Variants in ADGRA1 observed in about 807,000 individuals in gnomAD.
ADGRA1 encodes the protein adhesion G protein-coupled receptor A1.
In ADGRA1, 12 loss-of-function variants were observed where a neutral mutation model predicts 21.3. The ratio of observed to expected loss-of-function variants is 0.56; its 90% CI spans 0.36 to 0.91. The LOEUF is 0.91. ADGRA1 is among the 40% of genes least tolerant of loss of function. The pLI is 0.01. For synonymous variants in ADGRA1, 385 were observed against 368.8 expected (o/e 1.04, Z -0.50); for missense variants, 790 against 805.6 (o/e 0.98, Z 0.23).
At chr10:133,125,564 C>T (rs1369561570) in intron 5 of ADGRA1, among the ~76,000 whole-genome samples, 3 of 152,060 alleles carry the variant, frequency 2.0e-5, no homozygotes, top group Admixed American at 6.5e-5. Context: ...GCTGGGACTA[C>T]AGGCGCCCGC....
chr10:133,095,895 T>C (rs1851680270), intron 2 of ADGRA1: 1 of 1,289,096 alleles, frequency 7.8e-7, no homozygotes, highest in Non-Finnish European at 1.1e-6. Flanking sequence ...CCTGCCCCGA[T>C]GCCCAGGGCA....
chr10:133,120,451 G>A (rs1415562925), intron 5 of ADGRA1, among the ~76,000 whole-genome samples: 11 of 152,194 alleles, frequency 7.2e-5, no homozygotes, highest in Non-Finnish European at 1.2e-4. Context: ...CTCCCTCATC[G>A]CTATCTTGGC....
chr10:133,112,474 C>T lies in ADGRA1; in HGVS notation c.401+9632C>T, dbSNP rs578104238. Among the ~76,000 whole-genome samples the T allele has an allele frequency of 6.1e-3, 880 of 143,512 alleles. 13 individuals carry two copies. Among genetic ancestry groups the T allele is most frequent in the African/African-American group, 7.5e-3 (288 of 38,150 alleles). 94.1% of individuals were successfully genotyped at this position (143,512 alleles called of 152,430 possible). ...GGCCACGTCAGTTATTTGGGGTCTG[C>T]GGGCCGCGTCGGTTATTTGGGGTCT... On this transcript the variant is annotated intron_variant, in intron 5 of 6. Transcript: ENST00000392607.
At chr10:133,124,259 C>T (rs761776) in intron 5 of ADGRA1, among the ~76,000 whole-genome samples, 27,574 of 151,318 alleles carry the variant, frequency 0.18, 2,809 homozygotes, top group East Asian at 0.34. Context: ...GCACCCTCCC[C>T]GGCTCTGCAC....
chr10:133,111,618 A>C (rs111836518), intron 5 of ADGRA1, among the ~76,000 whole-genome samples: 12 of 3,808 alleles, frequency 3.2e-3, no homozygotes, highest in Admixed American at 0.025. Context: ...TCCTAATCCC[A>C]CCAGACAACC....
At chr10:133,102,294 C>T (rs1851809990) in intron 4 of ADGRA1, 1 of 502,916 alleles carries the variant, frequency 2.0e-6, no homozygotes, top group Admixed American at 2.0e-5. Context: ...TGGCGTGACC[C>T]CACTGAGGAC....
rs1591162619 is a variant in ADGRA1 at position 133,088,691 on chromosome 10, C to T, written c.-202-17C>T. 8.2e-7 allele frequency: 1 copy of T among 1,224,122 alleles called. No homozygotes were observed. The highest frequency in any genetic ancestry group is 1.0e-6 in the Non-Finnish European group (1 of 982,892). The allele number at this position is 1,224,122 out of a possible 1,614,324, so 75.8% of individuals were successfully genotyped here. A position where few individuals can be genotyped will look rare whatever the true frequency, so the allele number is the denominator to read the frequency against. ...GGGACCCTCCGCCCGCCCCGCTGAC[C>T]GCCGCTGTCTTCACAGATGGGAGCA... On this transcript the variant is annotated splice_polypyrimidine_tract_variant and intron_variant, in intron 1 of 6. Transcript: ENST00000392607.
At chr10:133,117,345 T>G (rs1852178584) in intron 5 of ADGRA1, among the ~76,000 whole-genome samples, 1 of 152,000 alleles carries the variant, frequency 6.6e-6, no homozygotes. Flanking sequence ...CTGGCCTGAG[T>G]GAGTGCCCGG....
intron 5 of ADGRA1, among the ~76,000 whole-genome samples, chr10:133,119,066 GCACA>G (rs578078229): frequency 1.3e-4 from 19 of 151,838 alleles, no homozygotes; most frequent in South Asian, 6.3e-4. Flanking sequence ...ATTGCACACT[GCACA>G]CACACACGCA....
At chr10:133,115,563 T>C (rs1245182264) in intron 5 of ADGRA1, among the ~76,000 whole-genome samples, 1 of 152,136 alleles carries the variant, frequency 6.6e-6, no homozygotes, top group Non-Finnish European at 1.5e-5. Context: ...GGGCGCGCAG[T>C]GCTAGCCAGC....
intron 4 of ADGRA1, among the ~76,000 whole-genome samples, chr10:133,100,104 C>T (rs971028208): frequency 2.0e-5 from 3 of 152,220 alleles, no homozygotes; most frequent in Non-Finnish European, 4.4e-5. Context: ...GCGTCCGGCA[C>T]GCAGAGGAGA....
At position 133,129,939 on chromosome 10, in the gene ADGRA1, G is replaced by C; in HGVS notation, c.*428G>C. The C allele has an allele frequency of 5.7e-6, 1 of 175,300 alleles. No homozygotes were observed. Among genetic ancestry groups the C allele is most frequent in the Admixed American group, 5.8e-5 (1 of 17,248 alleles). The allele number at this position is 175,300 out of a possible 1,614,324, so 10.9% of individuals were successfully genotyped here. Reference sequence around the variant, plus strand: ...TGCCCACGGAGTCCTGGCTTCCCCTGGTGTGGCCGGGCAGGGCCGAGATCG... The same window carrying C: ...TGCCCACGGAGTCCTGGCTTCCCCTCGTGTGGCCGGGCAGGGCCGAGATCG... On this transcript the variant is annotated 3_prime_UTR_variant, in exon 7 of 7. Transcript: ENST00000392607.
At chr10:133,124,498 G>A (rs1456433917) in intron 5 of ADGRA1, among the ~76,000 whole-genome samples, 1 of 152,356 alleles carries the variant, frequency 6.6e-6, no homozygotes, top group Non-Finnish European at 1.5e-5. Context: ...GTCCCAGCGA[G>A]TGGCCCTGGC....
intron 5 of ADGRA1, among the ~76,000 whole-genome samples, chr10:133,112,381 ATTTGGGGTC>A (rs1564850036): frequency 3.6e-5 from 5 of 139,140 alleles, no homozygotes; most frequent in Admixed American, 1.4e-4. Context: ...CGTGTCGGTT[ATTTGGGGTC>A]TACGGGCCGC....
At chr10:133,100,458 C>T (rs914182101) in intron 4 of ADGRA1, among the ~76,000 whole-genome samples, 4 of 152,316 alleles carry the variant, frequency 2.6e-5, no homozygotes, top group Admixed American at 6.5e-5. Flanking sequence ...AAACCCCGCC[C>T]GCGCCTTCGG....
At chr10:133,101,353 C>T (rs2135875882) in intron 4 of ADGRA1, among the ~76,000 whole-genome samples, 1 of 152,336 alleles carries the variant, frequency 6.6e-6, no homozygotes, top group Admixed American at 6.5e-5. Flanking sequence ...GCCGTGAGCC[C>T]CATTCGCATG....
intron 5 of ADGRA1, among the ~76,000 whole-genome samples, chr10:133,117,108 C>T (rs1852173680): frequency 6.6e-6 from 1 of 152,106 alleles, no homozygotes. Flanking sequence ...AAGGTATGAG[C>T]CAGCTGGTCG....
intron 5 of ADGRA1, among the ~76,000 whole-genome samples, chr10:133,108,724 C>T (rs556719928): frequency 3.2e-4 from 49 of 152,260 alleles, no homozygotes; most frequent in African/African-American, 9.4e-4. Context: ...ACACATTTGC[C>T]GCAGCCTCCT....
intron 5 of ADGRA1, among the ~76,000 whole-genome samples, chr10:133,118,056 A>G (rs1363395723): frequency 3.3e-5 from 5 of 152,174 alleles, no homozygotes; most frequent in Admixed American, 1.3e-4. Context: ...GGGGAGCTGG[A>G]CGTGTCCCCA....
Sources: gnomAD v4.1 joint callset for allele counts (sites outside exome capture counted in the v4.1 genomes callset) on GRCh38, gnomAD v4.1.1 for gene constraint, MANE v1.5 for transcripts, NCBI Gene and HGNC (gene_info 2026-07-23, HGNC 2026-07-21) for gene names.